The following GRXCR2 variants were observed in gnomAD, a reference collection of about 807,000 sequenced individuals.
The protein encoded by GRXCR2 is glutaredoxin domain-containing cysteine-rich protein 2.
Under a neutral mutation model 24.8 loss-of-function variants are expected in GRXCR2, and 23 were observed. The ratio of observed to expected loss-of-function variants is 0.93; its 90% CI spans 0.67 to 1.32. The LOEUF (loss-of-function observed/expected upper bound fraction) is 1.32. GRXCR2 is among the 40% of genes most tolerant of loss of function. GRXCR2 has a pLI of 0.00. For synonymous variants in GRXCR2, 130 were observed against 116.1 expected, an observed-to-expected ratio of 1.12 and a Z score of -0.77; for missense variants, 315 against 303.4, an observed-to-expected ratio of 1.04 and a Z score of -0.28.
intron 2 of GRXCR2, among the ~76,000 whole-genome samples, chr5:145,900,047 A>G (rs1291460738): frequency 6.6e-6 from 1 of 152,180 alleles, no homozygotes; most frequent in East Asian, 1.9e-4. Flanking sequence ...TAAGAAACTT[A>G]AACAATGGAG....
At chr5:145,868,591 T>C (rs1366895000) in intron 1 of GRXCR2, among the ~76,000 whole-genome samples, 3 of 152,186 alleles carry the variant, frequency 2.0e-5, no homozygotes, top group African/African-American at 7.2e-5. Context: ...GGTGGTACTT[T>C]TCGAAGGTTC....
Position 145,872,844 on chromosome 5 carries a change from A to C in GRXCR2, c.125T>G (p.Leu42Ter). 1 of 1,614,068 alleles carries C rather than the reference A, an allele frequency of 6.2e-7. No homozygotes were observed. The highest frequency in any genetic ancestry group is 2.2e-5 in the East Asian group (1 of 44,874). ...AGGGTATTCCTCCTTTGGTGACTCTAATTCCTGCCCATCCTCAAAGACCTG... is the reference window on the plus strand; with the variant it reads ...AGGGTATTCCTCCTTTGGTGACTCTCATTCCTGCCCATCCTCAAAGACCTG... ...LKQVFEDGQE[L>*]ESPKEEYPHS... is the part of the protein sequence containing the mutation. Residue 42 changes from leucine (L) to a stop codon, truncating the protein, a stop_gained, in exon 1 of 3, where the codon TTA becomes TGA. Transcript: ENST00000377976. LOFTEE classifies it high-confidence loss of function.
chr5:145,899,316 A>G (rs948901292), intron 2 of GRXCR2, among the ~76,000 whole-genome samples: 1 of 152,204 alleles, frequency 6.6e-6, no homozygotes, highest in Non-Finnish European at 1.5e-5. Flanking sequence ...CAATATCACT[A>G]AAACAACCTT....
chr5:145,890,745 T>A (rs1192800207), intron 2 of GRXCR2, among the ~76,000 whole-genome samples: 1 of 151,848 alleles, frequency 6.6e-6, no homozygotes, highest in African/African-American at 2.4e-5. Flanking sequence ...AACAACTTCA[T>A]GATATGCTCA....
chr5:145,904,208 A>T (rs1757061282), intron 2 of GRXCR2, among the ~76,000 whole-genome samples: 1 of 152,150 alleles, frequency 6.6e-6, no homozygotes, highest in African/African-American at 2.4e-5. Flanking sequence ...CAGGGCAGAC[A>T]CTAGGAAACA....
rs759001784 is a variant in GRXCR2 at position 145,859,829 on chromosome 5, C to G, written c.651G>C (p.Ser217=). ...TCSLCHGSKF[S]MLANRFKESY... ...ACTCCTTAAATCTGTTGGCCAGCATCGAGAACTTGCTGCCGTGGCACAGAG... is the reference window on the plus strand; with the variant it reads ...ACTCCTTAAATCTGTTGGCCAGCATGGAGAACTTGCTGCCGTGGCACAGAG... The change falls in exon 3 of 3, where the codon TCG becomes TCC. Residue 217 remains serine, a synonymous_variant. Coordinates refer to ENST00000377976, the MANE Select transcript of GRXCR2 (RefSeq NM_001080516.2). 10 of 1,613,632 alleles carry G rather than the reference C, an allele frequency of 6.2e-6. No homozygotes were observed. The highest frequency in any genetic ancestry group is 1.3e-5 in the African/African-American group (1 of 74,902).
rs139847108 is a variant in GRXCR2 at position 145,859,871 on chromosome 5, C to T, written c.609G>A (p.Ser203=). ...PEDSCFHCRG[S]GSATCSLCHG... ...GGCACAGAGAGCAGGTGGCACTGCC[C>T]GACCCTCGGCAGTGAAAACAGCTGT... Residue 203 remains serine (S), a synonymous_variant, in exon 3 of 3, where the codon TCG becomes TCA. Coordinates refer to ENST00000377976, the MANE Select transcript of GRXCR2 (RefSeq NM_001080516.2). 116 of 1,603,708 alleles carry T rather than the reference C, an allele frequency of 7.2e-5. No homozygotes were observed. The highest frequency in any genetic ancestry group is 8.9e-5 in the Non-Finnish European group (105 of 1,174,276).
intron 2 of GRXCR2, among the ~76,000 whole-genome samples, chr5:145,897,945 G>C (rs1205620310): frequency 1.3e-5 from 2 of 151,766 alleles, no homozygotes; most frequent in African/African-American, 4.8e-5. Context: ...CAAAGGTAGA[G>C]GAAGAAAAAA....
intron 2 of GRXCR2, among the ~76,000 whole-genome samples, chr5:145,912,065 C>G (rs1757174033): frequency 6.6e-6 from 1 of 152,188 alleles, no homozygotes; most frequent in Non-Finnish European, 1.5e-5. Context: ...CCACTGCACT[C>G]CATCCTGAGA....
Position 145,897,999 on chromosome 5 carries a change from C to G in GRXCR2, c.-69-31271G>C, listed in dbSNP as rs555361484. Among the ~76,000 whole-genome samples the G allele has an allele frequency of 4.6e-5, 7 of 152,108 alleles. 1 individual carries two copies. In the South Asian group the frequency reaches 1.5e-3, roughly 32 times the overall value. On this transcript the variant is annotated intron_variant, in intron 2 of 3. Transcript: ENST00000639411. ...TGAATGAAATTGAGACCCAAACATTCTTACAAAGAATCAAGGAAACCAAAA... is the reference window on the plus strand; with the variant it reads ...TGAATGAAATTGAGACCCAAACATTGTTACAAAGAATCAAGGAAACCAAAA...
At chr5:145,893,157 G>A (rs111683516) in intron 2 of GRXCR2, among the ~76,000 whole-genome samples, 40 of 152,124 alleles carry the variant, frequency 2.6e-4, no homozygotes, top group African/African-American at 4.8e-4. Flanking sequence ...AGGAACAACC[G>A]GTACCAGCCA....
chr5:145,896,391 A>G (rs919586207), intron 2 of GRXCR2, among the ~76,000 whole-genome samples: 2 of 152,214 alleles, frequency 1.3e-5, no homozygotes, highest in African/African-American at 4.8e-5. Flanking sequence ...CATCTGACAA[A>G]GGGCTAATAT....
chr5:145,916,796 A>G (rs1346722299), intron 2 of GRXCR2, among the ~76,000 whole-genome samples: 5 of 152,178 alleles, frequency 3.3e-5, no homozygotes, highest in Non-Finnish European at 7.3e-5. Flanking sequence ...TAAAATTGAG[A>G]TTATGACCAA....
At chr5:145,916,511 C>T (rs1757240674) in intron 2 of GRXCR2, among the ~76,000 whole-genome samples, 1 of 152,162 alleles carries the variant, frequency 6.6e-6, no homozygotes, top group Non-Finnish European at 1.5e-5. Context: ...TGAAAAAGCT[C>T]TTGAAGGAAG....
downstream of GRXCR2, among the ~76,000 whole-genome samples, chr5:145,858,214 G>A (rs1371896809): frequency 1.3e-5 from 2 of 151,612 alleles, no homozygotes; most frequent in Admixed American, 6.6e-5. Context: ...CTCAGGAGGC[G>A]GAGGCAGGAG....
intron 2 of GRXCR2, among the ~76,000 whole-genome samples, chr5:145,925,108 G>C (rs1757372817): frequency 6.6e-6 from 1 of 152,120 alleles, no homozygotes; most frequent in African/African-American, 2.4e-5. Flanking sequence ...TAATCCTATG[G>C]AGCAAGTGCT....
intron 2 of GRXCR2, among the ~76,000 whole-genome samples, chr5:145,888,380 G>C: frequency 6.6e-6 from 1 of 152,264 alleles, no homozygotes; most frequent in Non-Finnish European, 1.5e-5. Flanking sequence ...ACGGTGGAGC[G>C]TAGAAAAATA....
intron 2 of GRXCR2, among the ~76,000 whole-genome samples, chr5:145,923,041 A>G (rs1757347514): frequency 6.6e-6 from 1 of 152,264 alleles, no homozygotes; most frequent in Non-Finnish European, 1.5e-5. Context: ...CCCGGAAACT[A>G]GTTGAAAATG....
chr5:145,928,466 C>A (rs566914050), intron 2 of GRXCR2, among the ~76,000 whole-genome samples: 206 of 152,052 alleles, frequency 1.4e-3, no homozygotes, highest in African/African-American at 4.8e-3. Flanking sequence ...ATGTTTATTG[C>A]GGCACTATTC....
Sources: allele counts gnomAD v4.1 joint callset (sites outside exome capture counted in the v4.1 genomes callset), GRCh38; gene constraint gnomAD v4.1.1; transcripts MANE v1.5; gene names NCBI Gene and HGNC (gene_info 2026-07-23, HGNC 2026-07-21).